Variants in SSBP3 observed in about 807,000 individuals in gnomAD.
SSBP3 encodes single stranded DNA binding protein 3, also known as single-stranded DNA-binding protein 3.
A neutral mutation model predicts 69.6 loss-of-function variants in SSBP3; 5 were observed. The ratio of observed to expected loss-of-function variants is 0.07; its 90% CI spans 0.04 to 0.15. The LOEUF is 0.15. Among genes scored for constraint, SSBP3 ranks in the 10% least tolerant of loss-of-function variants. SSBP3 has a pLI of 1.00. For missense variants in SSBP3, 312 were observed against 534.0 expected (o/e 0.58, Z 4.10); for synonymous variants, 196 against 193.4 (o/e 1.01, Z -0.11).
chr1:54,284,908 AG>A (rs1395868159), intron 4 of SSBP3, among the ~76,000 whole-genome samples: 2 of 152,316 alleles, frequency 1.3e-5, no homozygotes, highest in East Asian at 3.9e-4. Context: ...GATGGTCCAC[AG>A]TTCTTTGAAT....
chr1:54,280,330 TCTAGG>T (rs1645367555), intron 5 of SSBP3, among the ~76,000 whole-genome samples: 1 of 152,222 alleles, frequency 6.6e-6, no homozygotes, highest in African/African-American at 2.4e-5. Context: ...CTTAGACATC[TCTAGG>T]GCCAGAGAGC....
chr1:54,355,147 C>T (rs1255584145), intron 4 of SSBP3, among the ~76,000 whole-genome samples: 1 of 152,238 alleles, frequency 6.6e-6, no homozygotes, highest in African/African-American at 2.4e-5. Flanking sequence ...ATGCCTGCCA[C>T]ATGCGGCGTC....
chr1:54,326,868 G>A (rs748574580), intron 4 of SSBP3, among the ~76,000 whole-genome samples: 30 of 152,082 alleles, frequency 2.0e-4, no homozygotes, highest in Middle Eastern at 3.2e-3. Flanking sequence ...ATAATCCTAA[G>A]TAGCGCAGGC....
intron 14 of SSBP3, among the ~76,000 whole-genome samples, chr1:54,234,067 A>T (rs1644441518): frequency 6.6e-6 from 1 of 151,632 alleles, no homozygotes; most frequent in Non-Finnish European, 1.5e-5. Context: ...GTGCTCTCTG[A>T]AACATGTGCT....
At chr1:54,387,095 T>G (rs1383885204) in intron 4 of SSBP3, among the ~76,000 whole-genome samples, 1 of 152,218 alleles carries the variant, frequency 6.6e-6, no homozygotes, top group Non-Finnish European at 1.5e-5. Context: ...GGGATGCCAG[T>G]GTATGAGAAG....
intron 14 of SSBP3, among the ~76,000 whole-genome samples, chr1:54,231,442 CAT>C (rs747858231): frequency 1.1e-4 from 17 of 152,202 alleles, no homozygotes; most frequent in South Asian, 8.3e-4. Flanking sequence ...TTATCAGACA[CAT>C]GATTTATTTT....
chr1:54,283,660 G>A (rs1256208136), intron 4 of SSBP3, among the ~76,000 whole-genome samples: 2 of 152,330 alleles, frequency 1.3e-5, no homozygotes, highest in Middle Eastern at 3.4e-3. Flanking sequence ...CAAGCCGCAC[G>A]TTACTTTTCA....
At chr1:54,401,722 G>C in intron 4 of SSBP3, 139 bp downstream of exon 4, 1 of 654,742 alleles carries the variant, frequency 1.5e-6, no homozygotes, top group East Asian at 2.7e-5. Context: ...GGGCTGCAGA[G>C]AGGTGGGCAG....
chr1:54,409,375 T>C, upstream of SSBP3, among the ~76,000 whole-genome samples: 1 of 152,200 alleles, frequency 6.6e-6, no homozygotes, highest in Admixed American at 6.5e-5. Context: ...ACTTGTTTAC[T>C]GTCTGTCTCC....
chr1:54,350,525 T>G (rs1009808935), intron 4 of SSBP3, among the ~76,000 whole-genome samples: 2 of 152,242 alleles, frequency 1.3e-5, no homozygotes, highest in African/African-American at 4.8e-5. Flanking sequence ...AAGAGAGATT[T>G]ATACGCGTAT....
At chr1:54,269,182 A>C (rs1468484368) in intron 5 of SSBP3, among the ~76,000 whole-genome samples, 1 of 151,950 alleles carries the variant, frequency 6.6e-6, no homozygotes, top group Non-Finnish European at 1.5e-5. Flanking sequence ...TGCCTACAAC[A>C]CGTAAGCTGT....
chr1:54,377,223 T>TCCAAAAC (rs1211800951), intron 4 of SSBP3, among the ~76,000 whole-genome samples: 2 of 152,160 alleles, frequency 1.3e-5, no homozygotes, highest in Admixed American at 1.3e-4. Context: ...GTTTCCCCAC[T>TCCAAAAC]CCAAAACCCA....
chr1:54,361,318 T>C (rs1362610065), intron 4 of SSBP3, among the ~76,000 whole-genome samples: 1 of 152,184 alleles, frequency 6.6e-6, no homozygotes, highest in Non-Finnish European at 1.5e-5. Context: ...GTGCTAACTA[T>C]AAAGAGGTAA....
chr1:54,351,048 G>T (rs985809875), intron 4 of SSBP3, among the ~76,000 whole-genome samples: 1 of 152,034 alleles, frequency 6.6e-6, no homozygotes, highest in African/African-American at 2.4e-5. Context: ...GGCTGGTCTC[G>T]AACTCCTAGC....
intron 4 of SSBP3, among the ~76,000 whole-genome samples, chr1:54,378,376 G>T (rs964545791): frequency 6.6e-6 from 1 of 152,208 alleles, no homozygotes; most frequent in African/African-American, 2.4e-5. Flanking sequence ...GTTACAGTTT[G>T]CGCGTCCATA....
At chr1:54,322,932 T>C (rs1032340082) in intron 4 of SSBP3, among the ~76,000 whole-genome samples, 18 of 152,182 alleles carry the variant, frequency 1.2e-4, no homozygotes, top group Admixed American at 9.2e-4. Flanking sequence ...TAAAAAGCCG[T>C]AATTGTCCCA....
chr1:54,362,978 C>G (rs1383732787), intron 4 of SSBP3, among the ~76,000 whole-genome samples: 2 of 152,156 alleles, frequency 1.3e-5, no homozygotes, highest in Middle Eastern at 3.4e-3. Context: ...CAGAGGGATA[C>G]TTAGACACTG....
At chr1:54,386,097 CTG>C (rs766051064) in intron 4 of SSBP3, among the ~76,000 whole-genome samples, 46 of 152,308 alleles carry the variant, frequency 3.0e-4, no homozygotes, top group South Asian at 1.0e-3. Flanking sequence ...AAAGTAGAGA[CTG>C]TGTTAACATG....
At chr1:54,354,372 TG>T (rs1382791529) in intron 4 of SSBP3, among the ~76,000 whole-genome samples, 4 of 152,308 alleles carry the variant, frequency 2.6e-5, no homozygotes, top group Admixed American at 6.5e-5. Context: ...AAGCCAATGC[TG>T]GGACCCTCAA....
Sources: gnomAD v4.1 joint callset for allele counts (sites outside exome capture counted in the v4.1 genomes callset) on GRCh38, gnomAD v4.1.1 for gene constraint, MANE v1.5 for transcripts, NCBI Gene and HGNC (gene_info 2026-07-23, HGNC 2026-07-21) for gene names.